The following CCN3 variants were observed in gnomAD, a reference collection of about 807,000 sequenced individuals.
CCN3 encodes the protein CCN family member 3.
In CCN3, 20 loss-of-function variants were observed where a neutral mutation model predicts 33.4. The ratio of observed to expected loss-of-function variants is 0.60; its 90% CI spans 0.42 to 0.87. The LOEUF (loss-of-function observed/expected upper bound fraction) is 0.87. Among genes scored for constraint, CCN3 ranks in the 40% least tolerant of loss-of-function variants. The probability of loss-of-function intolerance (pLI) is 0.00; values close to 1 mark genes in which losing one functional copy is unlikely to be tolerated. For missense variants in CCN3, 465 were observed against 455.3 expected (o/e 1.02, Z -0.19); for synonymous variants, 205 against 170.4 (o/e 1.20, Z -1.58).
rs1441527373 is a variant in CCN3 at position 119,418,222 on chromosome 8, A to T, written c.475A>T (p.Arg159Ter). The change falls in exon 3 of 5, where the codon AGA becomes TGA. Residue 159 changes from arginine to a stop codon, truncating the protein, a stop_gained. Coordinates refer to ENST00000259526, the MANE Select transcript of CCN3 (RefSeq NM_002514.4). LOFTEE classifies it high-confidence loss of function. The part of the protein sequence containing the change: ...LLPEPNCPAP[R>*]KVEVPGECCE... ...GCCTGAGCCTAACTGCCCAGCTCCA[A>T]GAAAAGTTGAGGTGCCTGGAGAGTG... 6.2e-6 allele frequency: 10 copies of T among 1,614,104 alleles called. No homozygotes were observed. The highest frequency in any genetic ancestry group is 8.5e-6 in the Non-Finnish European group (10 of 1,180,042).
chr8:119,416,653 T>C (rs1016207246), intron 1 of CCN3, 37 bp downstream of exon 1: 1 of 1,603,302 alleles, frequency 6.2e-7, no homozygotes, highest in Non-Finnish European at 8.5e-7. Context: ...CCAAGTTACT[T>C]TGCCCGCCTT....
Position 119,416,754 on chromosome 8 carries a change from C to T in CCN3, c.95C>T (p.Thr32Ile). ...CTCGCCTGCCTTCAGGTCGCTGCGA[C>T]TCAGCGCTGCCCTCCCCAGTGCCCG... ...LLHLLGQVAA[T>I]QRCPPQCPGR... Residue 32 changes from threonine to isoleucine, a missense_variant, in exon 2 of 5, where the codon ACT (threonine) becomes ATT (isoleucine). By Grantham distance (89) the Thr-to-Ile change is moderately conservative (BLOSUM62 -1). Transcript: ENST00000259526. 1.9e-6 allele frequency: 3 copies of T among 1,587,492 alleles called. No homozygotes were observed. The highest frequency in any genetic ancestry group is 2.6e-6 in the Non-Finnish European group (3 of 1,166,624).
In CCN3 at chr8:119,423,622, C is replaced by A. The variant is rs1365217652; in HGVS notation, c.*490C>A. On this transcript the variant is annotated 3_prime_UTR_variant, in exon 5 of 5. Transcript: ENST00000259526. ...CCTTTTTGGGTAAACCAGCTCTGAA[C>A]TTCCAAGCTCCAAATCCAAGGAAAC... is the stretch of plus-strand genomic sequence containing the variant. The A allele has an allele frequency of 6.5e-6, 1 of 153,188 alleles. No individual in the cohort carries two copies. Among genetic ancestry groups the A allele is most frequent in the Admixed American group, 6.5e-5 (1 of 15,478 alleles). 9.5% of individuals were successfully genotyped at this position (153,188 alleles called of 1,614,324 possible). A position where few individuals can be genotyped will look rare whatever the true frequency, so the allele number is the denominator to read the frequency against.
chr8:119,421,011 CTTT>C (rs770175066), intron 4 of CCN3, among the ~76,000 whole-genome samples: 3 of 75,014 alleles, frequency 4.0e-5, no homozygotes, highest in African/African-American at 1.1e-4. Flanking sequence ...GACAGTGGTT[CTTT>C]TTTTTTTTTT....
rs1820060434 is a variant in CCN3, at chr8:119,416,981, C to G, written c.310+12C>G. 2 of 1,595,038 alleles carry G rather than the reference C, an allele frequency of 1.3e-6. No individual in the cohort carries two copies. The highest frequency in any genetic ancestry group is 1.7e-5 in the Admixed American group (1 of 58,378). Reference sequence around the variant, plus strand: ...TGGCATCTGCACGGGTAATCCTGCTCCCTCTGCTGTTTGACCTCTTCTCCT... The same window carrying G: ...TGGCATCTGCACGGGTAATCCTGCTGCCTCTGCTGTTTGACCTCTTCTCCT... On this transcript the variant is annotated intron_variant, in intron 2 of 4. Transcript: ENST00000259526.
At chr8:119,417,712 T>C (rs948123127) in intron 2 of CCN3, among the ~76,000 whole-genome samples, 1 of 152,204 alleles carries the variant, frequency 6.6e-6, no homozygotes, top group African/African-American at 2.4e-5. Context: ...TTTTTAAGTC[T>C]AAGCTGCTGG....
Position 119,416,552 on chromosome 8 carries a change from C to T in CCN3, c.20C>T (p.Thr7Met), listed in dbSNP as rs201275451. 4.2e-5 allele frequency: 67 copies of T among 1,613,862 alleles called. No homozygotes were observed. In the East Asian group the frequency reaches 5.3e-4, roughly 13 times the overall value. The change falls in exon 1 of 5, where the codon ACG (threonine) becomes ATG (methionine). Residue 7 changes from threonine (T) to methionine (M), a missense_variant. Physicochemically the swap from Thr to Met is moderately conservative, Grantham distance 81. Coordinates refer to ENST00000259526, the MANE Select transcript of CCN3 (RefSeq NM_002514.4). Reference protein sequence around the residue: MQSVQSTSFCLRKQCLC... With the variant: MQSVQSMSFCLRKQCLC... ...CTGAGCATGCAGAGTGTGCAGAGCACGAGCTTTTGTCTCCGAAAGCAGTGC... is the reference window on the plus strand; with the variant it reads ...CTGAGCATGCAGAGTGTGCAGAGCATGAGCTTTTGTCTCCGAAAGCAGTGC...
At chr8:119,418,920 G>A (rs1048709362) in intron 3 of CCN3, among the ~76,000 whole-genome samples, 10 of 152,042 alleles carry the variant, frequency 6.6e-5, no homozygotes, top group African/African-American at 1.7e-4. Flanking sequence ...AGCAGTATCC[G>A]GAATTGTATA....
rs776082338 is a variant in CCN3 at position 119,418,053 on chromosome 8, T to C, written c.311-5T>C. On this transcript the variant is annotated splice_region_variant and splice_polypyrimidine_tract_variant and intron_variant, in intron 2 of 4. Transcript: ENST00000259526. ...GCTTTTCACTTTGCTTCCCCAATATTCTAGCGGTAGAGGGAGATAACTGTG... is the reference window on the plus strand; with the variant it reads ...GCTTTTCACTTTGCTTCCCCAATATCCTAGCGGTAGAGGGAGATAACTGTG... The C allele has an allele frequency of 1.9e-5, 31 of 1,607,154 alleles. No homozygotes were observed. The highest frequency in any genetic ancestry group is 2.6e-5 in the Non-Finnish European group (31 of 1,174,334).
chr8:119,416,818 G>T lies in CCN3; in HGVS notation c.159G>T (p.Gly53=), dbSNP rs768712383. The change falls in exon 2 of 5, where the codon GGG becomes GGT. Residue 53 remains glycine, a synonymous_variant. Coordinates refer to ENST00000259526, the MANE Select transcript of CCN3 (RefSeq NM_002514.4). ...CGACGCCGCCGACCTGCGCCCCCGG[G>T]GTGCGCGCGGTGCTGGACGGCTGCT... ...CPATPPTCAP[G]VRAVLDGCSC... is the part of the protein sequence containing the mutation. The T allele has an allele frequency of 6.2e-7, 1 of 1,609,000 alleles. No homozygotes were observed. The highest frequency in any genetic ancestry group is 8.5e-7 in the Non-Finnish European group (1 of 1,178,126).
rs1820077949 is a variant in CCN3 at position 119,418,119 on chromosome 8, G to A, written c.372G>A (p.Gln124=). The change falls in exon 3 of 5, where the codon CAG becomes CAA. Residue 124 remains glutamine (Q), a synonymous_variant. Transcript: ENST00000259526. ...TCTACCGCAGTGGAGAGAAATTTCA[G>A]CCAAGCTGCAAATTCCAGTGCACCT... ...GVIYRSGEKF[Q]PSCKFQCTCR... The A allele has an allele frequency of 6.2e-7, 1 of 1,614,220 alleles. No individual in the cohort carries two copies. The highest frequency in any genetic ancestry group is 1.7e-5 in the Admixed American group (1 of 60,028).
Position 119,416,486 on chromosome 8 carries a change from A to G in CCN3, c.-47A>G. 6.3e-7 allele frequency: 1 copy of G among 1,583,226 alleles called. No homozygotes were observed. The highest frequency in any genetic ancestry group is 8.7e-7 in the Non-Finnish European group (1 of 1,155,546). On this transcript the variant is annotated 5_prime_UTR_variant, in exon 1 of 5. Coordinates refer to ENST00000259526, the MANE Select transcript of CCN3 (RefSeq NM_002514.4). ...GGGAAGGCGAGCAGTGCCAATCTAC[A>G]GCGAAGAAAGTCTCGTTTGGTAAAA...
rs1050741613 is a variant in CCN3, at chr8:119,424,168, A to G, written c.*1036A>G. The stretch of plus-strand genomic sequence containing the variant: ...GATCAAGATATATGTGTATACATAC[A>G]TGTATCTGGTTTGTCAGGCTACAAG... On this transcript the variant is annotated 3_prime_UTR_variant, in exon 5 of 5. Coordinates refer to ENST00000259526, the MANE Select transcript of CCN3 (RefSeq NM_002514.4). 7 of 152,218 alleles carry G rather than the reference A, an allele frequency of 4.6e-5. No individual in the cohort carries two copies. Among genetic ancestry groups the G allele is most frequent in the Admixed American group, 4.6e-4 (7 of 15,282 alleles). The allele number at this position is 152,218 out of a possible 1,614,324, so 9.4% of individuals were successfully genotyped here. A position where few individuals can be genotyped will look rare whatever the true frequency, so the allele number is the denominator to read the frequency against.
At position 119,416,836 on chromosome 8, in the gene CCN3, C is replaced by A; in HGVS notation, c.177C>A (p.Asp59Glu). 6.2e-7 allele frequency: 1 copy of A among 1,612,068 alleles called. No homozygotes were observed. Among genetic ancestry groups the A allele is most frequent in the Non-Finnish European group, 8.5e-7 (1 of 1,179,456 alleles). The change falls in exon 2 of 5, where the codon GAC (aspartate) becomes GAA (glutamate). Residue 59 changes from aspartate to glutamate, a missense_variant. By Grantham distance (45) the Asp-to-Glu change is conservative. Coordinates refer to ENST00000259526, the MANE Select transcript of CCN3 (RefSeq NM_002514.4). ...TCAPGVRAVL[D>E]GCSCCLVCAR... is the part of the protein sequence containing the mutation. Reference sequence around the variant, plus strand: ...CCCCCGGGGTGCGCGCGGTGCTGGACGGCTGCTCATGCTGTCTGGTGTGTG... The same window carrying A: ...CCCCCGGGGTGCGCGCGGTGCTGGAAGGCTGCTCATGCTGTCTGGTGTGTG...
intron 4 of CCN3, among the ~76,000 whole-genome samples, chr8:119,421,190 T>C (rs901543957): frequency 6.6e-6 from 1 of 151,992 alleles, no homozygotes; most frequent in African/African-American, 2.4e-5. Context: ...TTGTATTTTT[T>C]AGTAGAGACG....
chr8:119,422,876 C>T lies in CCN3; in HGVS notation c.818C>T (p.Ala273Val). ...KCLRTKKSLK[A>V]IHLQFKNCTS... is the part of the protein sequence containing the mutation. ...CTCCGCACCAAGAAGTCACTCAAAG[C>T]CATCCACCTGCAGTTCAAGAACTGC... Residue 273 changes from alanine (A) to valine (V), a missense_variant, in exon 5 of 5, where the codon GCC (alanine) becomes GTC (valine). Coordinates refer to ENST00000259526, the MANE Select transcript of CCN3 (RefSeq NM_002514.4). 2 of 1,612,630 alleles carry T rather than the reference C, an allele frequency of 1.2e-6. No individual in the cohort carries two copies. The highest frequency in any genetic ancestry group is 1.7e-4 in the Middle Eastern group (1 of 6,052).
At position 119,416,809 on chromosome 8, in the gene CCN3, C is replaced by A. The variant is rs1174609459; in HGVS notation, c.150C>A (p.Cys50Ter). Residue 50 changes from cysteine (C) to a stop codon, truncating the protein, a stop_gained, in exon 2 of 5, where the codon TGC becomes TGA. Coordinates refer to ENST00000259526, the MANE Select transcript of CCN3 (RefSeq NM_002514.4). LOFTEE classifies it high-confidence loss of function. ...PGRCPATPPT[C>*]APGVRAVLDG... is the part of the protein sequence containing the mutation. ...GGTGCCCTGCGACGCCGCCGACCTG[C>A]GCCCCCGGGGTGCGCGCGGTGCTGG... 2 of 1,605,718 alleles carry A rather than the reference C, an allele frequency of 1.2e-6. No homozygotes were observed. Among genetic ancestry groups the A allele is most frequent in the South Asian group, 2.2e-5 (2 of 90,192 alleles).
rs750289786 is a variant in CCN3 at position 119,423,121 on chromosome 8, G to A, written c.1063G>A (p.Gly355Arg). ...LQELELKTTR[G>R]KM is the part of the protein sequence containing the mutation. ...GGAGCTGGAGCTGAAGACTACCAGA[G>A]GGAAAATGTAACCTGTCACTCAAGA... Residue 355 changes from glycine to arginine, a missense_variant, in exon 5 of 5, where the codon GGG (glycine) becomes AGG (arginine). Physicochemically the swap from Gly to Arg is moderately radical, Grantham distance 125. Coordinates refer to ENST00000259526, the MANE Select transcript of CCN3 (RefSeq NM_002514.4). 4.3e-6 allele frequency: 7 copies of A among 1,612,600 alleles called. No homozygotes were observed. Among genetic ancestry groups the A allele is most frequent in the Non-Finnish European group, 5.9e-6 (7 of 1,178,832 alleles).
chr8:119,419,101 T>C (rs761703489), intron 3 of CCN3, 30 bp from the exon 4 acceptor site: 1 of 1,566,186 alleles, frequency 6.4e-7, no homozygotes, highest in South Asian at 1.1e-5. Context: ...TTGTACCTAA[T>C]ATGGCTGTCT....
Sources: allele counts gnomAD v4.1 joint callset (sites outside exome capture counted in the v4.1 genomes callset), GRCh38; gene constraint gnomAD v4.1.1; transcripts MANE v1.5; gene names NCBI Gene and HGNC (gene_info 2026-07-23, HGNC 2026-07-21).